The following KCNAB1 variants were observed in gnomAD, a reference collection of about 807,000 sequenced individuals.
KCNAB1 encodes potassium voltage-gated channel subfamily A regulatory beta subunit 1.
Under a neutral mutation model 64.6 loss-of-function variants are expected in KCNAB1, and 35 were observed. The ratio of observed to expected loss-of-function variants is 0.54; its 90% CI spans 0.41 to 0.72. The LOEUF (loss-of-function observed/expected upper bound fraction) is 0.72, where lower values mean the gene tolerates loss of function less well. Ranked by LOEUF, KCNAB1 falls within the 30% of genes least tolerant of loss-of-function variation. The pLI is 0.00. For missense variants in KCNAB1, 401 were observed against 512.9 expected, an observed-to-expected ratio of 0.78 and a Z score of 2.11; for synonymous variants, 177 against 183.8, an observed-to-expected ratio of 0.96 and a Z score of 0.30.
At chr3:156,344,639 C>T (rs1724358230) in intron 1 of KCNAB1, among the ~76,000 whole-genome samples, 1 of 152,072 alleles carries the variant, frequency 6.6e-6, no homozygotes, top group South Asian at 2.1e-4. Context: ...CCAAAGATTC[C>T]GTTTCAGTGG....
chr3:156,475,249 C>T, intron 8 of KCNAB1, among the ~76,000 whole-genome samples: 1 of 152,170 alleles, frequency 6.6e-6, no homozygotes, highest in African/African-American at 2.4e-5. Context: ...AGTGGTGCCA[C>T]CAGCAGGGAT....
chr3:156,142,490 G>A (rs548237092), intron 1 of KCNAB1, among the ~76,000 whole-genome samples: 8 of 152,198 alleles, frequency 5.3e-5, no homozygotes, highest in South Asian at 2.1e-4. Flanking sequence ...GCTTTGCCTC[G>A]CTTATGGATA....
intron 1 of KCNAB1, among the ~76,000 whole-genome samples, chr3:156,389,639 C>T (rs1298087263): frequency 6.6e-6 from 1 of 152,174 alleles, no homozygotes; most frequent in Admixed American, 6.5e-5. Context: ...GGATTGATGC[C>T]CAGCATTCTG....
rs561024256 is a variant in KCNAB1, at chr3:156,296,925, A to G, written c.276-124691A>G. 2.0e-5 allele frequency among the ~76,000 whole-genome samples: 3 copies of G among 152,324 alleles called. No homozygotes were observed. In the South Asian group the frequency reaches 6.2e-4, roughly 32 times the overall value. On this transcript the variant is annotated intron_variant, in intron 1 of 13. Transcript: ENST00000490337. ...AAGCATGCCTGCTTAACTATATAGC[A>G]TGATAGCAAAACCAGGAAATTGATG...
chr3:156,351,645 G>C (rs12053873), intron 1 of KCNAB1, among the ~76,000 whole-genome samples: 1,821 of 152,376 alleles, frequency 0.012, 35 homozygotes, highest in South Asian at 0.076. Flanking sequence ...GCTCCACTCA[G>C]TCGCTAAGTC....
intron 8 of KCNAB1, among the ~76,000 whole-genome samples, chr3:156,511,237 G>A (rs924281803): frequency 5.3e-5 from 8 of 152,018 alleles, no homozygotes; most frequent in Non-Finnish European, 1.2e-4. Flanking sequence ...CCGAGTAGCT[G>A]GGACTACAGG....
At chr3:156,515,669 A>G (rs754682660) in intron 10 of KCNAB1, among the ~76,000 whole-genome samples, 16 of 152,192 alleles carry the variant, frequency 1.1e-4, no homozygotes, top group Non-Finnish European at 1.5e-4. Context: ...CGGGTACTAT[A>G]CATTTGTGCA....
At chr3:156,301,425 C>T (rs937913378) in intron 1 of KCNAB1, among the ~76,000 whole-genome samples, 1 of 152,094 alleles carries the variant, frequency 6.6e-6, no homozygotes, top group African/African-American at 2.4e-5. Context: ...TGATAGTGTC[C>T]GTGCATTTAC....
Position 156,531,614 on chromosome 3 carries a change from C to A in KCNAB1, c.1170+117C>A, listed in dbSNP as rs149543918. On this transcript the variant is annotated intron_variant, in intron 13 of 13. Transcript: ENST00000490337. ...CTGGGTGGGGCAAGAGTAGGGGGAA[C>A]AAAGGCAACAGAACACTTTCCCAGT... The A allele has an allele frequency of 1.7e-3, 1,303 of 785,256 alleles. 25 individuals are homozygous for A. In the East Asian group the frequency reaches 0.031, roughly 18 times the overall value. The allele number at this position is 785,256 out of a possible 1,614,324, so 48.6% of individuals were successfully genotyped here.
chr3:156,147,058 C>G (rs1036118614), intron 1 of KCNAB1, among the ~76,000 whole-genome samples: 5 of 152,008 alleles, frequency 3.3e-5, no homozygotes, highest in African/African-American at 1.2e-4. Context: ...AAAACAGTGC[C>G]AAGAAAGACC....
intron 2 of KCNAB1, among the ~76,000 whole-genome samples, chr3:156,444,870 G>A (rs1489206953): frequency 6.6e-6 from 1 of 152,210 alleles, no homozygotes; most frequent in African/African-American, 2.4e-5. Context: ...GCAGGAGCAT[G>A]TCTGCTGGAT....
chr3:156,212,221 C>T (rs765065298), intron 1 of KCNAB1, among the ~76,000 whole-genome samples: 4 of 152,262 alleles, frequency 2.6e-5, no homozygotes, highest in Non-Finnish European at 5.9e-5. Flanking sequence ...AGAGGCAGTA[C>T]ATTCTTCACC....
At chr3:156,495,988 C>T (rs1715983262) in intron 8 of KCNAB1, among the ~76,000 whole-genome samples, 1 of 152,104 alleles carries the variant, frequency 6.6e-6, no homozygotes, top group African/African-American at 2.4e-5. Flanking sequence ...ATACATTACA[C>T]ATTTTCTATC....
intron 1 of KCNAB1, among the ~76,000 whole-genome samples, chr3:156,405,877 C>A (rs1016915852): frequency 3.3e-5 from 5 of 152,124 alleles, no homozygotes; most frequent in Admixed American, 6.5e-5. Flanking sequence ...GTACATAAAC[C>A]TAATTTCACA....
chr3:156,245,309 A>G (rs1483921609), intron 1 of KCNAB1, among the ~76,000 whole-genome samples: 1 of 152,156 alleles, frequency 6.6e-6, no homozygotes, highest in East Asian at 1.9e-4. Flanking sequence ...AATTAAACAT[A>G]TTATTTTGAG....
intron 8 of KCNAB1, among the ~76,000 whole-genome samples, chr3:156,476,478 A>G (rs1202127482): frequency 6.6e-6 from 1 of 151,780 alleles, no homozygotes; most frequent in African/African-American, 2.4e-5. Context: ...CTGTTAATTC[A>G]TTCCTTTTTA....
chr3:156,225,041 A>T (rs1297453230), intron 1 of KCNAB1, among the ~76,000 whole-genome samples: 1 of 152,066 alleles, frequency 6.6e-6, no homozygotes, highest in African/African-American at 2.4e-5. Context: ...AAAGATAGAG[A>T]AAGAGGAAAT....
At chr3:156,181,949 T>A (rs74826064) in intron 1 of KCNAB1, among the ~76,000 whole-genome samples, 273 of 152,320 alleles carry the variant, frequency 1.8e-3, no homozygotes, top group Non-Finnish European at 3.0e-3. Flanking sequence ...TTAAGTTATA[T>A]GAAAAGTTTT....
At chr3:156,257,800 T>A (rs1718185000) in intron 1 of KCNAB1, among the ~76,000 whole-genome samples, 1 of 152,196 alleles carries the variant, frequency 6.6e-6, no homozygotes, top group South Asian at 2.1e-4. Flanking sequence ...AGAAAGGACC[T>A]GTCAATCCTT....
Sources: allele counts gnomAD v4.1 joint callset (sites outside exome capture counted in the v4.1 genomes callset), GRCh38; gene constraint gnomAD v4.1.1; transcripts MANE v1.5; gene names NCBI Gene and HGNC (gene_info 2026-07-23, HGNC 2026-07-21).